The following ITGAD variants were observed in gnomAD, a reference collection of about 807,000 sequenced individuals.
ITGAD encodes the protein integrin subunit alpha D.
A neutral mutation model predicts 139.0 loss-of-function variants in ITGAD; 105 were observed. The ratio of observed to expected loss-of-function variants is 0.76; its 90% CI spans 0.65 to 0.89. The LOEUF (loss-of-function observed/expected upper bound fraction) is 0.89. Ranked by LOEUF, ITGAD falls within the 40% of genes least tolerant of loss-of-function variation. ITGAD has a pLI of 0.00. For synonymous variants in ITGAD, 569 were observed against 598.3 expected (o/e 0.95, Z 0.71); for missense variants, 1,384 against 1,487.3 (o/e 0.93, Z 1.14).
rs758264235 is a variant in ITGAD, at chr16:31,411,090, C to T, written c.1371C>T (p.Phe457=). 1.1e-5 allele frequency: 18 copies of T among 1,612,296 alleles called. No individual in the cohort carries two copies. Among genetic ancestry groups the T allele is most frequent in the Admixed American group, 6.7e-5 (4 of 59,968 alleles). The change falls in exon 13 of 30, where the codon TTC becomes TTT. Residue 457 remains phenylalanine (F), a synonymous_variant. Transcript: ENST00000389202. ...CTGCCCTCCAGATCGGCTCCTACTT[C>T]GGGGCCTCCCTCTGCTCTGTGGATG... The part of the protein sequence containing the change: ...EVTGTQIGSY[F]GASLCSVDVD...
Position 31,418,504 on chromosome 16 carries a change from G to T in ITGAD, c.2720G>T (p.Ser907Ile). Residue 907 changes from serine to isoleucine, a missense_variant, in exon 23 of 30, where the codon AGC (serine) becomes ATC (isoleucine). Transcript: ENST00000389202. The part of the protein sequence containing the change: ...ASSENNKASS[S>I]KATFQLELPV... ...AGTGAGAACAATAAGGCTTCAAGCAGCAAGGCCACCTTCCAGCTGGAGCTC... is the reference window on the plus strand; with the variant it reads ...AGTGAGAACAATAAGGCTTCAAGCATCAAGGCCACCTTCCAGCTGGAGCTC... The T allele has an allele frequency of 1.2e-6, 2 of 1,614,038 alleles. No individual in the cohort carries two copies. The highest frequency in any genetic ancestry group is 1.7e-6 in the Non-Finnish European group (2 of 1,179,974).
intron 20 of ITGAD, among the ~76,000 whole-genome samples, chr16:31,417,286 G>C (rs1034549774): frequency 6.7e-6 from 1 of 149,884 alleles, no homozygotes; most frequent in African/African-American, 2.5e-5. Context: ...ATGCTGCCCA[G>C]GCTGGTCTCA....
Position 31,418,194 on chromosome 16 carries a change from C to G in ITGAD, c.2616+3C>G, listed in dbSNP as rs772379329. 4 of 1,612,362 alleles carry G rather than the reference C, an allele frequency of 2.5e-6. No individual in the cohort carries two copies. On this transcript the variant is annotated splice_donor_region_variant and intron_variant, in intron 21 of 29. Transcript: ENST00000389202. ...CCATCTTCCATGAGGGCTCTAACGT[C>G]AGTGCTTCTCCCTAAATCCCCATCA...
At chr16:31,398,914 A>G (rs148169061) in intron 5 of ITGAD, among the ~76,000 whole-genome samples, 5 of 152,268 alleles carry the variant, frequency 3.3e-5, no homozygotes, top group South Asian at 2.1e-4. Context: ...TTAGTGTGGT[A>G]AAGAACGTGG....
Position 31,426,163 on chromosome 16 carries a change from G to A in ITGAD, c.*35G>A. On this transcript the variant is annotated 3_prime_UTR_variant, in exon 30 of 30. Transcript: ENST00000389202. ...TTCCTGTTTATCTCTACCACTGTGGGCTGGACTTGCTTGCAACCATAAATC... is the reference window on the plus strand; with the variant it reads ...TTCCTGTTTATCTCTACCACTGTGGACTGGACTTGCTTGCAACCATAAATC... The A allele has an allele frequency of 7.2e-7, 1 of 1,391,306 alleles. No individual in the cohort carries two copies. Among genetic ancestry groups the A allele is most frequent in the Non-Finnish European group, 1.0e-6 (1 of 984,338 alleles). 86.2% of individuals were successfully genotyped at this position (1,391,306 alleles called of 1,614,324 possible).
At chr16:31,398,560 C>T (rs1267378024) in intron 5 of ITGAD, among the ~76,000 whole-genome samples, 1 of 152,110 alleles carries the variant, frequency 6.6e-6, no homozygotes, top group Non-Finnish European at 1.5e-5. Flanking sequence ...TAGCTCACTG[C>T]AGCCTCGAAC....
chr16:31,419,023 C>CAAAA (rs34885660), intron 23 of ITGAD, among the ~76,000 whole-genome samples: 2,906 of 89,850 alleles, frequency 0.032, 56 homozygotes, highest in Non-Finnish European at 0.049. Flanking sequence ...GACTCTGTCT[C>CAAAA]AAAAAAAAAA....
intron 1 of ITGAD, among the ~76,000 whole-genome samples, chr16:31,393,858 C>T (rs754975563): frequency 1.3e-5 from 2 of 152,078 alleles, no homozygotes; most frequent in East Asian, 1.9e-4. Flanking sequence ...TGGCTGGGTG[C>T]GGTGGCTCAT....
rs2081467333 is a variant in ITGAD, at chr16:31,403,729, T to A, written c.704+84T>A. ...GGTCAGCACAGCTCTTCTCAGAGGC[T>A]GAGGGAGGCTCCAGGGAAAGGGGCT... is the stretch of plus-strand genomic sequence containing the variant. On this transcript the variant is annotated intron_variant, in intron 7 of 29. Coordinates refer to ENST00000389202, the MANE Select transcript of ITGAD (RefSeq NM_005353.3). This position sits in a 1 kb window ranked among gnomAD's most constrained non-coding sequence, Gnocchi z 4.4. 4.6e-6 allele frequency: 7 copies of A among 1,535,388 alleles called. No homozygotes were observed. The highest frequency in any genetic ancestry group is 5.4e-6 in the Non-Finnish European group (6 of 1,121,158).
At chr16:31,401,371 CAGG>C (rs1040164839) in intron 5 of ITGAD, among the ~76,000 whole-genome samples, 1 of 152,182 alleles carries the variant, frequency 6.6e-6, no homozygotes, top group African/African-American at 2.4e-5. Flanking sequence ...CCTCCAGGGG[CAGG>C]AGGTGTCCCA....
rs780553206 is a variant in ITGAD, at chr16:31,414,433, C to T, written c.1997-18C>T. ...GTTATTTCTGCCTTTTCATTTTGCACTCTCCCCTGCACTTCAGGTGACATC... is the reference window on the plus strand; with the variant it reads ...GTTATTTCTGCCTTTTCATTTTGCATTCTCCCCTGCACTTCAGGTGACATC... On this transcript the variant is annotated intron_variant, in intron 16 of 29. Coordinates refer to ENST00000389202, the MANE Select transcript of ITGAD (RefSeq NM_005353.3). 6.2e-7 allele frequency: 1 copy of T among 1,607,832 alleles called. No individual in the cohort carries two copies. Among genetic ancestry groups the T allele is most frequent in the African/African-American group, 1.3e-5 (1 of 74,632 alleles).
rs1310409537 is a variant in ITGAD, at chr16:31,407,895, GAGA to G, written c.992_994del (p.Lys331del). The G allele has an allele frequency of 1.3e-6, 2 of 1,596,904 alleles. No individual in the cohort carries two copies. The highest frequency in any genetic ancestry group is 1.7e-6 in the Non-Finnish European group (2 of 1,165,872). On this transcript the variant is annotated inframe_deletion, in exon 9 of 30. Transcript: ENST00000389202. ...TGGCAGCATCCAGAAGCAGCTGCAG[GAGA>G]AGATCTATGCAGTTGAGGGTAAATG...
chr16:31,423,141 C>A lies in ITGAD; in HGVS notation c.2808C>A (p.Asn936Lys), dbSNP rs545539080. 2 of 1,614,154 alleles carry A rather than the reference C, an allele frequency of 1.2e-6. No individual in the cohort carries two copies. Among genetic ancestry groups the A allele is most frequent in the South Asian group, 1.1e-5 (1 of 91,084 alleles). ...AGGAAGAATCCACCAAGTACTTCAA[C>A]TTTGCAACCTCCGATGAGAAGAAAA... is the stretch of plus-strand genomic sequence containing the variant. ...SRQEESTKYFNFATSDEKKMK... is the reference protein window; with the variant it reads ...SRQEESTKYFKFATSDEKKMK... The change falls in exon 24 of 30, where the codon AAC becomes AAA. Residue 936 changes from asparagine (N) to lysine (K), a missense_variant. Physicochemically the swap from Asn to Lys is moderately conservative, Grantham distance 94 (BLOSUM62 0). Coordinates refer to ENST00000389202, the MANE Select transcript of ITGAD (RefSeq NM_005353.3).
Position 31,414,918 on chromosome 16 carries a change from G to C in ITGAD, c.2210G>C (p.Arg737Thr). ...IILHLNFSLVREPIPSPQNLR... is the reference protein window; with the variant it reads ...IILHLNFSLVTEPIPSPQNLR... The stretch of plus-strand genomic sequence containing the variant: ...CTGCACCTCAACTTCTCACTGGTGA[G>C]AGAGCCCATCCCCTCCCCCCAGAAC... The change falls in exon 18 of 30, where the codon AGA becomes ACA. Residue 737 changes from arginine to threonine, a missense_variant. By Grantham distance (71) the Arg-to-Thr change is moderately conservative. Transcript: ENST00000389202. 1.2e-6 allele frequency: 2 copies of C among 1,614,116 alleles called. No individual in the cohort carries two copies. The highest frequency in any genetic ancestry group is 1.3e-5 in the African/African-American group (1 of 75,016).
rs755164255 is a variant in ITGAD at position 31,418,430 on chromosome 16, G to A, written c.2696+50G>A. 2.1e-5 allele frequency: 34 copies of A among 1,608,530 alleles called. 1 individual carries two copies. The South Asian group carries it at 3.7e-4, about 18-fold the overall frequency. The stretch of plus-strand genomic sequence containing the variant: ...CACCCTCCATCGCATGCCCCGGCTA[G>A]AGACCCCTCTCCTGGATTCCTTCCC... On this transcript the variant is annotated intron_variant, in intron 22 of 29. Coordinates refer to ENST00000389202, the MANE Select transcript of ITGAD (RefSeq NM_005353.3).
intron 16 of ITGAD, 50 bp downstream of exon 16, chr16:31,413,296 C>T: frequency 3.8e-6 from 6 of 1,590,604 alleles, no homozygotes; most frequent in Non-Finnish European, 5.1e-6. Context: ...CATTAGGGGC[C>T]CCAATGCCAT....
At chr16:31,408,767 C>T (rs1199028963) in intron 10 of ITGAD, 6 of 420,052 alleles carry the variant, frequency 1.4e-5, no homozygotes, top group Admixed American at 3.6e-5. Flanking sequence ...AGAGAGATAG[C>T]CAGAGGAGCC....
chr16:31,421,802 G>A (rs1016923559), intron 23 of ITGAD, among the ~76,000 whole-genome samples: 1 of 152,152 alleles, frequency 6.6e-6, no homozygotes, highest in African/African-American at 2.4e-5. Flanking sequence ...GTGAACCTAG[G>A]CGGTTTGACA....
At position 31,394,336 on chromosome 16, in the gene ITGAD, A is replaced by G. The variant is rs747637761; in HGVS notation, c.132A>G (p.Gly44=). 6.2e-7 allele frequency: 1 copy of G among 1,611,510 alleles called. No homozygotes were observed. The highest frequency in any genetic ancestry group is 8.5e-7 in the Non-Finnish European group (1 of 1,178,216). Residue 44 remains glycine, a synonymous_variant, in exon 2 of 30, where the codon GGA becomes GGG. Transcript: ENST00000389202. ...GFGQSVVQFG[G]SRLVVGAPLE... ...GGCAGAGCGTGGTGCAGTTCGGTGG[A>G]TCTCGGTAGGCCCCACTCACCCTCC...
Sources: allele counts gnomAD v4.1 joint callset (sites outside exome capture counted in the v4.1 genomes callset), GRCh38; gene constraint gnomAD v4.1.1; non-coding constraint Gnocchi (gnomAD v3.1); transcripts MANE v1.5; gene names NCBI Gene and HGNC (gene_info 2026-07-23, HGNC 2026-07-21).